Variants in TTC28 observed in about 807,000 individuals in gnomAD.
TTC28 encodes tetratricopeptide repeat protein 28.
In TTC28, 61 loss-of-function variants were observed where a neutral mutation model predicts 198.0. The observed-to-expected ratio is 0.31, with a 90% CI of 0.25 to 0.38. TTC28 has a LOEUF of 0.38. Among genes scored for constraint, TTC28 ranks in the 10% least tolerant of loss-of-function variants. The pLI is 1.00. For synonymous variants in TTC28, 1,171 were observed against 1,297.8 expected (o/e 0.90, Z 2.10); for missense variants, 2,678 against 3,164.0 (o/e 0.85, Z 3.69).
intron 6 of TTC28, among the ~76,000 whole-genome samples, chr22:28,113,880 C>A (rs1006904792): frequency 6.6e-6 from 1 of 152,302 alleles, no homozygotes; most frequent in African/African-American, 2.4e-5. Context: ...CTTTGCACTG[C>A]ATATATTCTT....
chr22:28,072,695 C>T (rs1038393754), intron 12 of TTC28, among the ~76,000 whole-genome samples: 2 of 152,066 alleles, frequency 1.3e-5, no homozygotes, highest in African/African-American at 2.4e-5. Flanking sequence ...GATGCCCCAG[C>T]GAATATAACT....
chr22:28,110,524 A>AT (rs1942452627), intron 6 of TTC28, among the ~76,000 whole-genome samples: 1 of 152,234 alleles, frequency 6.6e-6, no homozygotes, highest in African/African-American at 2.4e-5. Context: ...GGTGCTGGAA[A>AT]TTAAATAAGC....
intron 2 of TTC28, among the ~76,000 whole-genome samples, chr22:28,413,898 CAA>C (rs2047127719): frequency 6.6e-6 from 1 of 152,020 alleles, no homozygotes; most frequent in East Asian, 1.9e-4. Context: ...ACATTAAACC[CAA>C]AAGAGAGGTG....
chr22:28,645,244 A>G (rs2051440252), intron 1 of TTC28, among the ~76,000 whole-genome samples: 1 of 152,228 alleles, frequency 6.6e-6, no homozygotes, highest in African/African-American at 2.4e-5. Flanking sequence ...GGGCATAACC[A>G]AAAAAGAAAA....
At chr22:28,211,714 C>G (rs987302333) in intron 5 of TTC28, among the ~76,000 whole-genome samples, 2 of 152,072 alleles carry the variant, frequency 1.3e-5, no homozygotes, top group Non-Finnish European at 2.9e-5. Flanking sequence ...CAACATTAGA[C>G]AGATCAACGA....
At chr22:28,583,431 A>C (rs1024043619) in intron 2 of TTC28, among the ~76,000 whole-genome samples, 2 of 152,234 alleles carry the variant, frequency 1.3e-5, no homozygotes, top group Non-Finnish European at 1.5e-5. Flanking sequence ...AATGACTAAC[A>C]ATTCATTCTT....
At chr22:28,325,109 C>CT (rs1347124233) in intron 2 of TTC28, among the ~76,000 whole-genome samples, 10 of 150,860 alleles carry the variant, frequency 6.6e-5, no homozygotes, top group African/African-American at 2.2e-4. Flanking sequence ...TGGTCCTGGA[C>CT]TTTTTTTGGT....
chr22:28,501,803 G>A (rs1430684119), intron 2 of TTC28, among the ~76,000 whole-genome samples: 1 of 152,090 alleles, frequency 6.6e-6, no homozygotes, highest in Non-Finnish European at 1.5e-5. Flanking sequence ...TTTGCATTAT[G>A]CCATTCTTTT....
intron 6 of TTC28, among the ~76,000 whole-genome samples, chr22:28,133,568 G>T (rs906519237): frequency 1.3e-5 from 2 of 152,288 alleles, no homozygotes; most frequent in East Asian, 3.9e-4. Flanking sequence ...ATTATAACCC[G>T]CGCATGGCTC....
intron 2 of TTC28, among the ~76,000 whole-genome samples, chr22:28,438,630 C>A (rs2047561592): frequency 6.6e-6 from 1 of 152,176 alleles, no homozygotes; most frequent in Admixed American, 6.5e-5. Flanking sequence ...GTTTTGACTG[C>A]AGTCTTATTT....
intron 2 of TTC28, among the ~76,000 whole-genome samples, chr22:28,551,271 C>T (rs1386975541): frequency 1.3e-5 from 2 of 152,052 alleles, no homozygotes; most frequent in African/African-American, 2.4e-5. Flanking sequence ...CAGCACCAGG[C>T]AGATTCACAG....
At chr22:28,169,739 G>T (rs535552526) in intron 5 of TTC28, among the ~76,000 whole-genome samples, 1 of 152,122 alleles carries the variant, frequency 6.6e-6, no homozygotes, top group Non-Finnish European at 1.5e-5. Context: ...GTTAATGGGT[G>T]CAGCACACCA....
At chr22:28,650,200 G>A (rs2051542802) in intron 1 of TTC28, among the ~76,000 whole-genome samples, 1 of 152,046 alleles carries the variant, frequency 6.6e-6, no homozygotes, top group Non-Finnish European at 1.5e-5. Context: ...ATGCTGAAAT[G>A]AATTTCTAAA....
At chr22:28,249,892 C>G (rs1183792117) in intron 5 of TTC28, among the ~76,000 whole-genome samples, 1 of 152,204 alleles carries the variant, frequency 6.6e-6, no homozygotes, top group African/African-American at 2.4e-5. Context: ...TTCACTGTTT[C>G]ATGTTGAGAC....
chr22:28,015,760 T>G (rs138679), intron 13 of TTC28, among the ~76,000 whole-genome samples: 15,756 of 151,784 alleles, frequency 0.1, 861 homozygotes, highest in Non-Finnish European at 0.11. Flanking sequence ...TAGACACTGT[T>G]CATAGTTTAA....
Position 28,320,676 on chromosome 22 carries a change from C to G in TTC28, c.382-14033G>C, listed in dbSNP as rs554174707. 4.6e-5 allele frequency among the ~76,000 whole-genome samples: 7 copies of G among 152,244 alleles called. No homozygotes were observed. The South Asian group carries it at 1.5e-3, about 32-fold the overall frequency. ...TACATGAAACAATCAGAACTGAGAG[C>G]AGGTTTCCTTTAGAAATTGATTCTA... On this transcript the variant is annotated intron_variant, in intron 2 of 22. Transcript: ENST00000397906.
chr22:28,185,670 T>C (rs1924127792), intron 5 of TTC28, among the ~76,000 whole-genome samples: 1 of 152,160 alleles, frequency 6.6e-6, no homozygotes, highest in Non-Finnish European at 1.5e-5. Flanking sequence ...ACTTACAGAT[T>C]ATAAGACTAT....
intron 5 of TTC28, among the ~76,000 whole-genome samples, chr22:28,225,682 A>G (rs531603043): frequency 1.3e-5 from 2 of 152,340 alleles, no homozygotes; most frequent in South Asian, 2.1e-4. Context: ...AAGCTCTGAC[A>G]TATGTGTACA....
intron 2 of TTC28, among the ~76,000 whole-genome samples, chr22:28,372,715 A>G (rs1328368665): frequency 3.3e-5 from 5 of 152,064 alleles, no homozygotes; most frequent in Non-Finnish European, 7.4e-5. Context: ...ATGAATCTCA[A>G]TGGCCCCTAA....
Sources: allele counts gnomAD v4.1 joint callset (sites outside exome capture counted in the v4.1 genomes callset), GRCh38; gene constraint gnomAD v4.1.1; transcripts MANE v1.5; gene names NCBI Gene and HGNC (gene_info 2026-07-23, HGNC 2026-07-21).